PDGFC: variants seen among roughly 807,000 people sequenced by gnomAD.
The protein encoded by PDGFC is platelet derived growth factor C.
In PDGFC, 12 loss-of-function variants were observed where a neutral mutation model predicts 35.5. The observed-to-expected ratio is 0.34, with a 90% confidence interval of 0.22 to 0.55. PDGFC has a LOEUF of 0.55. PDGFC is among the 20% of genes least tolerant of loss of function. The pLI, the probability that PDGFC is intolerant of heterozygous loss-of-function variation, is 0.91. For synonymous variants in PDGFC, 159 were observed against 148.8 expected, an observed-to-expected ratio of 1.07 and a Z score of -0.50; for missense variants, 322 against 412.4, an observed-to-expected ratio of 0.78 and a Z score of 1.90.
intron 1 of PDGFC, among the ~76,000 whole-genome samples, chr4:156,935,353 T>C (rs563943302): frequency 1.3e-5 from 2 of 152,332 alleles, no homozygotes; most frequent in Admixed American, 6.5e-5. Context: ...ATAAATAGTA[T>C]AGCAAATACA....
intron 3 of PDGFC, among the ~76,000 whole-genome samples, chr4:156,801,035 T>G (rs1034409101): frequency 6.6e-6 from 1 of 152,174 alleles, no homozygotes; most frequent in Admixed American, 6.5e-5. Context: ...TCAAAATATT[T>G]GCAACTTCCC....
chr4:156,857,411 AAAG>A (rs1729608830), intron 1 of PDGFC, among the ~76,000 whole-genome samples: 1 of 152,122 alleles, frequency 6.6e-6, no homozygotes, highest in Non-Finnish European at 1.5e-5. Flanking sequence ...CAGCTTAATT[AAAG>A]AAGGAGGAAA....
At chr4:156,904,809 C>G (rs1730874984) in intron 1 of PDGFC, among the ~76,000 whole-genome samples, 1 of 151,886 alleles carries the variant, frequency 6.6e-6, no homozygotes, top group Non-Finnish European at 1.5e-5. Flanking sequence ...TACCAACTGA[C>G]ATATCTACAC....
intron 1 of PDGFC, among the ~76,000 whole-genome samples, chr4:156,898,856 C>T (rs1260163886): frequency 6.6e-6 from 1 of 152,160 alleles, no homozygotes; most frequent in Admixed American, 6.5e-5. Context: ...TGGGGTTTCA[C>T]ATGTTTTCTA....
intron 3 of PDGFC, among the ~76,000 whole-genome samples, chr4:156,801,276 G>GA (rs1731600293): frequency 6.6e-6 from 1 of 151,976 alleles, no homozygotes; most frequent in South Asian, 2.1e-4. Flanking sequence ...AACTATCCTT[G>GA]AAAAACCCTA....
intron 1 of PDGFC, among the ~76,000 whole-genome samples, chr4:156,937,430 G>A (rs950859935): frequency 6.6e-6 from 1 of 152,104 alleles, no homozygotes; most frequent in African/African-American, 2.4e-5. Flanking sequence ...GGTCAGGCAC[G>A]GTGGCTCACT....
At chr4:156,932,009 T>C (rs759536781) in intron 1 of PDGFC, among the ~76,000 whole-genome samples, 10 of 152,244 alleles carry the variant, frequency 6.6e-5, no homozygotes, top group Non-Finnish European at 1.5e-4. Context: ...GAGGTAAAAA[T>C]AGCTCAAAGT....
intron 1 of PDGFC, among the ~76,000 whole-genome samples, chr4:156,940,071 G>A (rs532068671): frequency 8.4e-4 from 128 of 152,164 alleles, no homozygotes; most frequent in African/African-American, 2.9e-3. Context: ...ATATGAAAGC[G>A]TTTAATTGCT....
intron 1 of PDGFC, among the ~76,000 whole-genome samples, chr4:156,858,188 T>C (rs891759879): frequency 6.6e-6 from 1 of 152,098 alleles, no homozygotes; most frequent in African/African-American, 2.4e-5. Flanking sequence ...AGAGAGGATC[T>C]ATAAAATTTT....
intron 3 of PDGFC, among the ~76,000 whole-genome samples, chr4:156,776,918 C>T (rs962371914): frequency 6.6e-6 from 1 of 152,126 alleles, no homozygotes; most frequent in Non-Finnish European, 1.5e-5. Context: ...CCAGCTTTTA[C>T]ATGTAAAAAT....
At chr4:156,876,109 C>T (rs1283884400) in intron 1 of PDGFC, among the ~76,000 whole-genome samples, 1 of 152,050 alleles carries the variant, frequency 6.6e-6, no homozygotes, top group African/African-American at 2.4e-5. Context: ...TATTGAAAAA[C>T]CACAAACAAA....
At chr4:156,874,024 G>A (rs1730049861) in intron 1 of PDGFC, 1 of 152,060 alleles carries the variant, frequency 6.6e-6, no homozygotes, top group Admixed American at 6.5e-5. Flanking sequence ...ATGATCTGGT[G>A]TTTATTGTGT....
At position 156,777,322 on chromosome 4, in the gene PDGFC, T is replaced by C. The variant is rs1052640221; in HGVS notation, c.496-4429A>G. Among the ~76,000 whole-genome samples the C allele has an allele frequency of 2.6e-5, 4 of 152,304 alleles. No individual in the cohort carries two copies. In the South Asian group the frequency reaches 8.3e-4, roughly 32 times the overall value. On this transcript the variant is annotated intron_variant, in intron 3 of 5. Transcript: ENST00000502773. ...TAAATGAATATAGACACACGTTGTA[T>C]TATGGGCTGAATTAGAGTTCACTCA...
chr4:156,826,184 T>TTTA (rs1732471669), intron 2 of PDGFC, among the ~76,000 whole-genome samples: 1 of 99,290 alleles, frequency 1.0e-5, no homozygotes, highest in South Asian at 3.7e-4. Flanking sequence ...ATTTTTTTTT[T>TTTA]TTTTTTTTTT....
rs554631243 is a variant in PDGFC, at chr4:156,911,463, T to C, written c.118+59323A>G. On this transcript the variant is annotated intron_variant, in intron 1 of 5. Coordinates refer to ENST00000502773, the MANE Select transcript of PDGFC (RefSeq NM_016205.3). ...ATTAATACTGTATTTTGAGGTATTA[T>C]GATGAGTGTTGTAAATAATGATACT... Among the ~76,000 whole-genome samples, 16 of 152,220 alleles carry C rather than the reference T, an allele frequency of 1.1e-4. No individual in the cohort carries two copies. The South Asian group carries it at 2.7e-3, about 26-fold the overall frequency.
rs543542589 is a variant in PDGFC at position 156,886,176 on chromosome 4, G to A, written c.119-35760C>T. ...ATAATAAGAAAAGGAGGTATTAGAA[G>A]ATAAAATGTGAAAGTTGTGGCAAAT... On this transcript the variant is annotated intron_variant, in intron 1 of 5. Coordinates refer to ENST00000502773, the MANE Select transcript of PDGFC (RefSeq NM_016205.3). Among the ~76,000 whole-genome samples the A allele has an allele frequency of 5.3e-5, 8 of 152,136 alleles. No individual in the cohort carries two copies. The South Asian group carries it at 1.0e-3, about 20-fold the overall frequency.
chr4:156,816,488 A>C (rs1264972003), intron 2 of PDGFC, among the ~76,000 whole-genome samples: 1 of 152,120 alleles, frequency 6.6e-6, no homozygotes, highest in East Asian at 1.9e-4. Context: ...AAATAATAAT[A>C]ATTACATTTA....
intron 3 of PDGFC, among the ~76,000 whole-genome samples, chr4:156,810,513 T>C (rs1370297105): frequency 6.6e-6 from 1 of 152,052 alleles, no homozygotes; most frequent in East Asian, 1.9e-4. Flanking sequence ...TTTTTAGCTA[T>C]ACCCTTAACC....
chr4:156,811,237 T>G (rs1579024338), intron 2 of PDGFC, among the ~76,000 whole-genome samples: 1 of 152,194 alleles, frequency 6.6e-6, no homozygotes, highest in East Asian at 1.9e-4. Flanking sequence ...TTAGTTTTTC[T>G]GTTTACGAAT....
Sources: gnomAD v4.1 joint callset for allele counts (sites outside exome capture counted in the v4.1 genomes callset) on GRCh38, gnomAD v4.1.1 for gene constraint, MANE v1.5 for transcripts, NCBI Gene and HGNC (gene_info 2026-07-23, HGNC 2026-07-21) for gene names.